GEMIN5: variants seen among roughly 807,000 people sequenced by gnomAD.
GEMIN5 encodes gem-associated protein 5.
In GEMIN5, 124 loss-of-function variants were observed where a neutral mutation model predicts 176.9. The ratio of observed to expected loss-of-function variants is 0.70; its 90% CI spans 0.61 to 0.81. The LOEUF (loss-of-function observed/expected upper bound fraction) is 0.81, where lower values mean the gene tolerates loss of function less well. Among genes scored for constraint, GEMIN5 ranks in the 40% least tolerant of loss-of-function variants. The pLI, the probability that GEMIN5 is intolerant of heterozygous loss-of-function variation, is 0.00. For synonymous variants in GEMIN5, 673 were observed against 665.2 expected, an observed-to-expected ratio of 1.01 and a Z score of -0.18; for missense variants, 1,843 against 1,814.6, an observed-to-expected ratio of 1.02 and a Z score of -0.28.
chr5:154,934,184 TTTTG>T (rs757086432), intron 3 of GEMIN5, among the ~76,000 whole-genome samples: 2 of 151,996 alleles, frequency 1.3e-5, no homozygotes, highest in African/African-American at 4.8e-5. Flanking sequence ...TCTGGCTAAT[TTTTG>T]TTTGTTTGTT....
chr5:154,902,420 C>T lies in GEMIN5; in HGVS notation c.2866+119G>A, dbSNP rs1763483730. On this transcript the variant is annotated intron_variant, in intron 20 of 27. Transcript: ENST00000285873. Reference sequence around the variant, plus strand: ...TTAGTTTGTCTATTGCTGTCTATTGCTTTGTATCTATTTGTAAGTGATTTC... The same window carrying T: ...TTAGTTTGTCTATTGCTGTCTATTGTTTTGTATCTATTTGTAAGTGATTTC... 9.8e-6 allele frequency: 9 copies of T among 922,478 alleles called. No individual in the cohort carries two copies. The Admixed American group carries it at 2.0e-4, about 21-fold the overall frequency. 57.1% of individuals were successfully genotyped at this position (922,478 alleles called of 1,614,324 possible).
intron 26 of GEMIN5, among the ~76,000 whole-genome samples, chr5:154,890,013 C>A (rs1003213181): frequency 3.3e-5 from 5 of 152,214 alleles, no homozygotes; most frequent in African/African-American, 1.2e-4. Flanking sequence ...TATGGTCATT[C>A]TATTTTACAT....
chr5:154,904,264 T>A (rs1182073844), intron 18 of GEMIN5, among the ~76,000 whole-genome samples: 1 of 152,070 alleles, frequency 6.6e-6, no homozygotes, highest in Non-Finnish European at 1.5e-5. Context: ...GGAATTAGAT[T>A]TAGAATAAAA....
At chr5:154,934,816 C>T (rs1489848205) in intron 3 of GEMIN5, among the ~76,000 whole-genome samples, 2 of 152,154 alleles carry the variant, frequency 1.3e-5, no homozygotes. Flanking sequence ...TTAGTACATT[C>T]GTTTTCCTAT....
intron 15 of GEMIN5, among the ~76,000 whole-genome samples, chr5:154,909,672 T>C (rs995493718): frequency 6.6e-6 from 1 of 152,074 alleles, no homozygotes; most frequent in Non-Finnish European, 1.5e-5. Context: ...GTGGTTTAGT[T>C]TTGCCTGTTG....
chr5:154,907,649 G>C lies in GEMIN5; in HGVS notation c.2337C>G (p.Asp779Glu), dbSNP rs1421114413. ...NSGPVENGVSDQEGEEQAREP... is the reference protein window; with the variant it reads ...NSGPVENGVSEQEGEEQAREP... ...CCCGTGCTTGCTCCTCCCCTTCTTG[G>C]TCTGACACACCATTCTCAACAGGTC... is the stretch of plus-strand genomic sequence containing the variant. Residue 779 changes from aspartate to glutamate, a missense_variant, in exon 16 of 28, where the codon GAC (aspartate) becomes GAG (glutamate). By Grantham distance (45) the Asp-to-Glu change is conservative. Transcript: ENST00000285873. The C allele has an allele frequency of 6.2e-7, 1 of 1,614,042 alleles. No homozygotes were observed. The highest frequency in any genetic ancestry group is 2.2e-5 in the East Asian group (1 of 44,864).
chr5:154,912,901 G>A lies in GEMIN5; in HGVS notation c.1993C>T (p.Gln665Ter). The A allele has an allele frequency of 6.2e-7, 1 of 1,613,104 alleles. No homozygotes were observed. Among genetic ancestry groups the A allele is most frequent in the Non-Finnish European group, 8.5e-7 (1 of 1,179,338 alleles). Residue 665 changes from glutamine (Q) to a stop codon, truncating the protein, a stop_gained and splice_region_variant, in exon 14 of 28, where the codon CAG (glutamine) becomes TAG (stop). Transcript: ENST00000285873. LOFTEE classifies it high-confidence loss of function. ...CAGGGACAAGGACACAATAGTACCT[G>A]GGCTGTACCATCATAGGAAGCAGAT... The part of the protein sequence containing the change: ...LVSASYDGTA[Q>*]VWDALREEPL...
intron 15 of GEMIN5, among the ~76,000 whole-genome samples, chr5:154,908,698 A>G (rs982778172): frequency 6.6e-6 from 1 of 152,208 alleles, no homozygotes; most frequent in Admixed American, 6.5e-5. Flanking sequence ...GATTTAGGGT[A>G]TGCATCTTTA....
At position 154,891,252 on chromosome 5, in the gene GEMIN5, A is replaced by G. The variant is rs1274414507; in HGVS notation, c.4251T>C (p.Ser1417=). 5.0e-6 allele frequency: 8 copies of G among 1,612,868 alleles called. No individual in the cohort carries two copies. The highest frequency in any genetic ancestry group is 5.9e-6 in the Non-Finnish European group (7 of 1,179,234). ...GCCTCAGTACTTACCACTGGCTCTG[A>G]GAACTGCAGAGGGGCTGCTCTGCTT... is the stretch of plus-strand genomic sequence containing the variant. ...EVEAEQPLCS[S]QSQCKEEKNE... Residue 1417 remains serine (S), a synonymous_variant, in exon 26 of 28, where the codon TCT becomes TCC. Transcript: ENST00000285873.
At chr5:154,893,255 T>TAA (rs70981957) in intron 24 of GEMIN5, among the ~76,000 whole-genome samples, 4,760 of 85,394 alleles carry the variant, frequency 0.056, 282 homozygotes, top group East Asian at 0.077. Context: ...AGCCCGTCTC[T>TAA]AAAAAAAAAA....
At chr5:154,924,401 C>A in intron 9 of GEMIN5, 68 bp downstream of exon 9, 1 of 861,626 alleles carries the variant, frequency 1.2e-6, no homozygotes. Flanking sequence ...AGGGATTATT[C>A]TAGAGCAGGG....
At chr5:154,927,648 G>C (rs181633853) in intron 6 of GEMIN5, 98 bp from the exon 7 acceptor site, 2 of 909,616 alleles carry the variant, frequency 2.2e-6, no homozygotes, top group Admixed American at 4.8e-5. Flanking sequence ...AAAATGATTT[G>C]TTGTCGTTTA....
intron 20 of GEMIN5, among the ~76,000 whole-genome samples, chr5:154,901,789 T>TA (rs917723315): frequency 6.3e-4 from 11 of 17,572 alleles, no homozygotes; most frequent in African/African-American, 1.1e-3. Context: ...ACGTGCTTTT[T>TA]TTTTTTCCCT....
rs942056323 is a variant in GEMIN5, at chr5:154,919,173, A to G, written c.1599+794T>C. 2.0e-4 allele frequency among the ~76,000 whole-genome samples: 31 copies of G among 152,330 alleles called. 1 individual carries two copies. Among genetic ancestry groups the G allele is most frequent in the Middle Eastern group, 3.4e-3 (1 of 294 alleles). ...GTGAAACCCCATCTCTACTTAAAAAATACAAAAATTAGCTGGGCATGGTGG... is the reference window on the plus strand; with the variant it reads ...GTGAAACCCCATCTCTACTTAAAAAGTACAAAAATTAGCTGGGCATGGTGG... On this transcript the variant is annotated intron_variant, in intron 11 of 27. Coordinates refer to ENST00000285873, the MANE Select transcript of GEMIN5 (RefSeq NM_015465.5).
chr5:154,932,912 T>G (rs1764197638), intron 3 of GEMIN5, among the ~76,000 whole-genome samples: 1 of 152,216 alleles, frequency 6.6e-6, no homozygotes, highest in African/African-American at 2.4e-5. Context: ...TGGAAAATAA[T>G]CTCTTTCTTT....
intron 15 of GEMIN5, among the ~76,000 whole-genome samples, chr5:154,908,170 TC>T (rs201636706): frequency 0.016 from 2,015 of 127,248 alleles, 171 homozygotes; most frequent in African/African-American, 0.056. Context: ...TACCCAGATG[TC>T]CTTTTTTTTT....
At chr5:154,924,833 C>CA (rs1389022152) in intron 8 of GEMIN5, among the ~76,000 whole-genome samples, 1 of 151,704 alleles carries the variant, frequency 6.6e-6, no homozygotes, top group Non-Finnish European at 1.5e-5. Flanking sequence ...ACTAAAAATA[C>CA]AAAAAATTAG....
At chr5:154,918,032 C>T (rs1042252146) in intron 11 of GEMIN5, 28 bp from the exon 12 acceptor site, 4 of 1,403,552 alleles carry the variant, frequency 2.8e-6, no homozygotes. Context: ...CCAATCTTGA[C>T]TATATACATA....
At chr5:154,918,452 A>T in intron 11 of GEMIN5, among the ~76,000 whole-genome samples, 1 of 152,064 alleles carries the variant, frequency 6.6e-6, no homozygotes, top group East Asian at 1.9e-4. Context: ...TCTCTTGTTA[A>T]TTGTCTCTTT....
Sources: allele counts gnomAD v4.1 joint callset (sites outside exome capture counted in the v4.1 genomes callset), GRCh38; gene constraint gnomAD v4.1.1; transcripts MANE v1.5; gene names NCBI Gene and HGNC (gene_info 2026-07-23, HGNC 2026-07-21).